ADARB2: variants seen among roughly 807,000 people sequenced by gnomAD.
ADARB2 encodes the protein adenosine deaminase RNA specific B2 (inactive), also known as inactive double-stranded RNA-specific editase B2.
In ADARB2, 25 loss-of-function variants were observed where a neutral mutation model predicts 62.2. The ratio of observed to expected loss-of-function variants is 0.40; its 90% CI spans 0.29 to 0.56. The LOEUF (loss-of-function observed/expected upper bound fraction) is 0.56, where lower values mean the gene tolerates loss of function less well. ADARB2 is among the 20% of genes least tolerant of loss of function. The probability of loss-of-function intolerance (pLI) is 0.43; values close to 1 mark genes in which losing one functional copy is unlikely to be tolerated. For synonymous variants in ADARB2, 572 were observed against 500.8 expected (o/e 1.14, Z -1.90); for missense variants, 1,071 against 1,077.4 (o/e 0.99, Z 0.08).
chr10:1,392,052 C>A (rs369483451), intron 1 of ADARB2, among the ~76,000 whole-genome samples: 9 of 152,026 alleles, frequency 5.9e-5, no homozygotes, highest in African/African-American at 1.7e-4. Flanking sequence ...AGGTGTGAGC[C>A]CCCGTGCCTG....
chr10:1,677,048 C>A (rs546244934), intron 1 of ADARB2, among the ~76,000 whole-genome samples: 1 of 152,256 alleles, frequency 6.6e-6, no homozygotes, highest in African/African-American at 2.4e-5. Flanking sequence ...CTTACACATC[C>A]GCTTCACCCC....
intron 3 of ADARB2, among the ~76,000 whole-genome samples, chr10:1,336,767 G>A (rs560761135): frequency 1.5e-4 from 23 of 152,248 alleles, no homozygotes; most frequent in African/African-American, 4.8e-4. Flanking sequence ...CCTGTGTCAG[G>A]TGAAGTTTTA....
intron 1 of ADARB2, among the ~76,000 whole-genome samples, chr10:1,423,661 C>A (rs1832869769): frequency 6.6e-6 from 1 of 152,002 alleles, no homozygotes; most frequent in East Asian, 1.9e-4. Context: ...ACTGTGTATG[C>A]AGTAGGTCCA....
At chr10:1,617,668 C>G (rs1833659559) in intron 1 of ADARB2, among the ~76,000 whole-genome samples, 3 of 147,214 alleles carry the variant, frequency 2.0e-5, no homozygotes, top group Non-Finnish European at 3.0e-5. Context: ...GTGTGCCCGT[C>G]CAGACACACT....
At chr10:1,446,749 T>C (rs1269556124) in intron 1 of ADARB2, among the ~76,000 whole-genome samples, 1 of 152,232 alleles carries the variant, frequency 6.6e-6, no homozygotes, top group Non-Finnish European at 1.5e-5. Context: ...AACGTTCTTG[T>C]ATGCAAGTTC....
At chr10:1,457,094 T>C (rs1165405813) in intron 1 of ADARB2, among the ~76,000 whole-genome samples, 2 of 152,212 alleles carry the variant, frequency 1.3e-5, no homozygotes, top group Non-Finnish European at 2.9e-5. Context: ...AGAGATGACA[T>C]GGCACAATCT....
chr10:1,379,046 T>G lies in ADARB2; in HGVS notation c.187+28A>C, dbSNP rs139095171. On this transcript the variant is annotated intron_variant, in intron 2 of 9. Transcript: ENST00000381312. Reference sequence around the variant, plus strand: ...TGCACAAAGGATACAGGGGCCTTTGTGTACTTCGGGGAAGGGAAGTTGCTT... The same window carrying G: ...TGCACAAAGGATACAGGGGCCTTTGGGTACTTCGGGGAAGGGAAGTTGCTT... 4 of 1,588,160 alleles carry G rather than the reference T, an allele frequency of 2.5e-6. No individual in the cohort carries two copies. In the East Asian group the frequency reaches 8.9e-5, roughly 36 times the overall value.
intron 1 of ADARB2, among the ~76,000 whole-genome samples, chr10:1,518,418 C>A (rs569027640): frequency 6.6e-6 from 1 of 152,204 alleles, no homozygotes; most frequent in Non-Finnish European, 1.5e-5. Flanking sequence ...TCTGTGGAAA[C>A]GTAGCCTGTG....
At chr10:1,336,859 T>C (rs1831978620) in intron 3 of ADARB2, among the ~76,000 whole-genome samples, 1 of 152,130 alleles carries the variant, frequency 6.6e-6, no homozygotes, top group Non-Finnish European at 1.5e-5. Flanking sequence ...TTCTCAGTGG[T>C]GGTAACCTTT....
At chr10:1,260,535 G>C (rs1831126004) in intron 4 of ADARB2, among the ~76,000 whole-genome samples, 2 of 151,888 alleles carry the variant, frequency 1.3e-5, no homozygotes, top group African/African-American at 2.4e-5. Context: ...CAAATCATGA[G>C]TGAACTCCCA....
At chr10:1,459,786 A>G (rs915718474) in intron 1 of ADARB2, among the ~76,000 whole-genome samples, 37 of 152,234 alleles carry the variant, frequency 2.4e-4, no homozygotes, top group Admixed American at 1.2e-3. Flanking sequence ...ATGAAGCCAC[A>G]TGGACTCAGA....
At chr10:1,370,144 C>T (rs1278220286) in intron 2 of ADARB2, among the ~76,000 whole-genome samples, 1 of 152,184 alleles carries the variant, frequency 6.6e-6, no homozygotes, top group Non-Finnish European at 1.5e-5. Flanking sequence ...AAGGATGAAT[C>T]CGCATCTACA....
intron 1 of ADARB2, among the ~76,000 whole-genome samples, chr10:1,530,882 C>A (rs1832224222): frequency 6.6e-6 from 1 of 151,388 alleles, no homozygotes; most frequent in Non-Finnish European, 1.5e-5. Flanking sequence ...ACTCAGCACC[C>A]AGCACTCAGG....
At chr10:1,423,961 C>T (rs1212319262) in intron 1 of ADARB2, among the ~76,000 whole-genome samples, 1 of 152,146 alleles carries the variant, frequency 6.6e-6, no homozygotes, top group Non-Finnish European at 1.5e-5. Context: ...ACTATGTATG[C>T]AGTAGGACCA....
chr10:1,382,980 G>T (rs955793006), intron 1 of ADARB2, among the ~76,000 whole-genome samples: 1 of 152,200 alleles, frequency 6.6e-6, no homozygotes, highest in Non-Finnish European at 1.5e-5. Flanking sequence ...GCCTGGGGCC[G>T]GCCCTGGTCT....
intron 1 of ADARB2, among the ~76,000 whole-genome samples, chr10:1,380,767 T>C (rs1254829811): frequency 6.6e-6 from 1 of 152,214 alleles, no homozygotes; most frequent in Non-Finnish European, 1.5e-5. Flanking sequence ...TTTGCTCTCC[T>C]AAACCCTTGC....
intron 1 of ADARB2, among the ~76,000 whole-genome samples, chr10:1,406,917 C>T (rs1832711986): frequency 6.6e-6 from 1 of 152,142 alleles, no homozygotes; most frequent in South Asian, 2.1e-4. Flanking sequence ...AGCTTATGCC[C>T]CCCTCGCCAG....
Position 1,428,579 on chromosome 10 carries a change from G to A in ADARB2, c.101-49419C>T, listed in dbSNP as rs368241218. On this transcript the variant is annotated intron_variant, in intron 1 of 9. Transcript: ENST00000381312. ...TGGGATTACAGGCATGAACCACCAC[G>A]CCCAGCCTTTTATTCCTTTTATATG... Among the ~76,000 whole-genome samples the A allele has an allele frequency of 9.2e-5, 14 of 152,146 alleles. No homozygotes were observed. The South Asian group carries it at 2.7e-3, about 29-fold the overall frequency.
chr10:1,296,537 G>GGAGTCTTCCTGTGGTGC (rs1427664221), intron 3 of ADARB2, among the ~76,000 whole-genome samples: 11 of 152,334 alleles, frequency 7.2e-5, no homozygotes, highest in Admixed American at 3.3e-4. Flanking sequence ...CTGGTGCATG[G>GGAGTCTTCCTGTGGTGC]GAGTCTTCCT....
Sources: allele counts gnomAD v4.1 joint callset (sites outside exome capture counted in the v4.1 genomes callset), GRCh38; gene constraint gnomAD v4.1.1; transcripts MANE v1.5; gene names NCBI Gene and HGNC (gene_info 2026-07-23, HGNC 2026-07-21).